Variants in NCAPD3 observed in about 807,000 individuals in gnomAD.
NCAPD3 encodes non-SMC condensin II complex subunit D3, also known as condensin-2 complex subunit D3.
A neutral mutation model predicts 182.9 loss-of-function variants in NCAPD3; 105 were observed. The ratio of observed to expected loss-of-function variants is 0.57; its 90% CI spans 0.49 to 0.68. The LOEUF is 0.68. NCAPD3 is among the 30% of genes least tolerant of loss of function. NCAPD3 has a pLI of 0.00. For synonymous variants in NCAPD3, 815 were observed against 679.9 expected, an observed-to-expected ratio of 1.20 and a Z score of -3.09; for missense variants, 1,944 against 1,837.0, an observed-to-expected ratio of 1.06 and a Z score of -1.07.
chr11:134,195,862 T>C (rs1944616661), intron 13 of NCAPD3, among the ~76,000 whole-genome samples: 1 of 152,184 alleles, frequency 6.6e-6, no homozygotes, highest in South Asian at 2.1e-4. Context: ...TGATAAGTCA[T>C]GGGACCACTG....
At position 134,159,952 on chromosome 11, in the gene NCAPD3, T is replaced by A. The variant is rs1943531319; in HGVS notation, c.3807A>T (p.Leu1269=). The stretch of plus-strand genomic sequence containing the variant: ...TCCCGGCCACATCTGCATGTTTTGC[T>A]AGCTCCTGCTCCTGGACCAGCTGTT... ...YQEQLVQEQE[L]AKHADVAGTA... Residue 1269 remains leucine, a synonymous_variant, in exon 29 of 35, where the codon CTA becomes CTT. Coordinates refer to ENST00000534548, the MANE Select transcript of NCAPD3 (RefSeq NM_015261.3). 6.2e-7 allele frequency: 1 copy of A among 1,613,954 alleles called. No homozygotes were observed. Among genetic ancestry groups the A allele is most frequent in the African/African-American group, 1.3e-5 (1 of 74,928 alleles).
intron 32 of NCAPD3, among the ~76,000 whole-genome samples, chr11:134,155,414 T>G (rs1943392441): frequency 6.6e-6 from 1 of 152,142 alleles, no homozygotes; most frequent in Non-Finnish European, 1.5e-5. Context: ...CATTTCTTCC[T>G]GGTTCAGTAT....
In NCAPD3 at chr11:134,203,123, A is replaced by C. The variant is rs1313688828; in HGVS notation, c.1525+19T>G. On this transcript the variant is annotated intron_variant, in intron 12 of 34. Transcript: ENST00000534548. ...TAAAAGATAATCATTCAATATTTGAAAATGTATTGATCCATTACCTGATGA... is the reference window on the plus strand; with the variant it reads ...TAAAAGATAATCATTCAATATTTGACAATGTATTGATCCATTACCTGATGA... The C allele has an allele frequency of 6.5e-7, 1 of 1,528,226 alleles. No homozygotes were observed. Among genetic ancestry groups the C allele is most frequent in the Non-Finnish European group, 9.0e-7 (1 of 1,108,728 alleles). 94.7% of individuals were successfully genotyped at this position (1,528,226 alleles called of 1,614,324 possible). A position where few individuals can be genotyped will look rare whatever the true frequency, so the allele number is the denominator to read the frequency against.
chr11:134,221,960 G>A (rs1312194662), intron 1 of NCAPD3, among the ~76,000 whole-genome samples: 2 of 152,174 alleles, frequency 1.3e-5, no homozygotes. Flanking sequence ...CAAATTTCCA[G>A]TAATGTTTTA....
chr11:134,221,475 T>C (rs1367054224), intron 1 of NCAPD3, among the ~76,000 whole-genome samples: 1 of 152,094 alleles, frequency 6.6e-6, no homozygotes, highest in Non-Finnish European at 1.5e-5. Context: ...GCTGTACCCA[T>C]CAACCCGTCA....
chr11:134,222,134 G>A (rs1314564207), intron 1 of NCAPD3, among the ~76,000 whole-genome samples: 1 of 152,180 alleles, frequency 6.6e-6, no homozygotes, highest in Non-Finnish European at 1.5e-5. Context: ...TGTTGAGTGA[G>A]AGTATAGGAG....
At chr11:134,224,947 C>A (rs1938408437), upstream of NCAPD3, 2 of 345,652 alleles carry the variant, frequency 5.8e-6, no homozygotes, top group African/African-American at 2.2e-5. Flanking sequence ...GCCCCTCCCC[C>A]GTGGAGCCGG....
chr11:134,223,848 G>C lies in NCAPD3; in HGVS notation c.64+15C>G. The C allele has an allele frequency of 1.2e-6, 2 of 1,611,360 alleles. No homozygotes were observed. Among genetic ancestry groups the C allele is most frequent in the South Asian group, 2.2e-5 (2 of 90,760 alleles). On this transcript the variant is annotated intron_variant, in intron 1 of 34. Transcript: ENST00000534548. ...CTCGCCCTGGCCCCCGGGCCTCCCG[G>C]CTGCATCTGCTCACCGAGTCTAAGA...
At position 134,217,058 on chromosome 11, in the gene NCAPD3, C is replaced by T; in HGVS notation, c.260G>A (p.Ser87Asn). The change falls in exon 3 of 35, where the codon AGT becomes AAT. Residue 87 changes from serine (S) to asparagine (N), a missense_variant. Transcript: ENST00000534548. ...ATGATAGAACAATGCCACCAGTGTA[C>T]TATGGGAAACATTGTTCTCAATGAA... ...TFFIENNVSH[S>N]TLVALFYHFV... 6.2e-7 allele frequency: 1 copy of T among 1,613,548 alleles called. No individual in the cohort carries two copies. The highest frequency in any genetic ancestry group is 8.5e-7 in the Non-Finnish European group (1 of 1,179,776).
intron 27 of NCAPD3, among the ~76,000 whole-genome samples, chr11:134,164,035 G>A (rs528790428): frequency 3.3e-5 from 5 of 152,290 alleles, no homozygotes; most frequent in African/African-American, 7.2e-5. Context: ...AGATTGGTAA[G>A]AGAAAACAGG....
intron 20 of NCAPD3, 137 bp from the exon 21 acceptor site, chr11:134,179,073 A>G: frequency 3.2e-6 from 2 of 621,526 alleles, no homozygotes; most frequent in Non-Finnish European, 2.8e-6. Flanking sequence ...TTTCATAAAA[A>G]TACATGGCTA....
chr11:134,163,022 G>T (rs939061118), intron 27 of NCAPD3, among the ~76,000 whole-genome samples: 2 of 152,176 alleles, frequency 1.3e-5, no homozygotes, highest in African/African-American at 4.8e-5. Context: ...AAGAGCACAC[G>T]AGTAGGGGGC....
chr11:134,159,672 G>A (rs1037563807), intron 29 of NCAPD3, among the ~76,000 whole-genome samples: 2 of 152,202 alleles, frequency 1.3e-5, no homozygotes, highest in Non-Finnish European at 1.5e-5. Context: ...CTGCCAGCTC[G>A]CTTCCTGCAC....
chr11:134,222,017 GT>G (rs1321739549), intron 1 of NCAPD3, among the ~76,000 whole-genome samples: 2 of 152,120 alleles, frequency 1.3e-5, no homozygotes, highest in Non-Finnish European at 2.9e-5. Context: ...CCTTCTTTTG[GT>G]TTTGCTTATG....
chr11:134,152,719 T>C lies in NCAPD3; in HGVS notation c.*225A>G, dbSNP rs1943287195. 2.2e-6 allele frequency: 1 copy of C among 449,982 alleles called. No homozygotes were observed. The highest frequency in any genetic ancestry group is 3.8e-5 in the Admixed American group (1 of 26,002). The allele number at this position is 449,982 out of a possible 1,614,324, so 27.9% of individuals were successfully genotyped here. ...AGTTACAATATTAAACAGATTAGGGTAAGAAAATCTAAATCTGGCACATCT... is the reference window on the plus strand; with the variant it reads ...AGTTACAATATTAAACAGATTAGGGCAAGAAAATCTAAATCTGGCACATCT... On this transcript the variant is annotated 3_prime_UTR_variant, in exon 35 of 35. Coordinates refer to ENST00000534548, the MANE Select transcript of NCAPD3 (RefSeq NM_015261.3).
At chr11:134,202,723 A>G in intron 13 of NCAPD3, 93 bp downstream of exon 13, 1 of 929,760 alleles carries the variant, frequency 1.1e-6, no homozygotes, top group Non-Finnish European at 1.6e-6. Flanking sequence ...ATAAATCAGA[A>G]AAAAAAAAAA....
At chr11:134,182,550 G>A (rs2135982581) in intron 19 of NCAPD3, among the ~76,000 whole-genome samples, 1 of 152,166 alleles carries the variant, frequency 6.6e-6, no homozygotes, top group African/African-American at 2.4e-5. Context: ...TTATTTAACT[G>A]CTCTCCTCTA....
chr11:134,205,006 T>A, intron 8 of NCAPD3, 35 bp from the exon 9 acceptor site: 1 of 1,542,050 alleles, frequency 6.5e-7, no homozygotes, highest in South Asian at 1.1e-5. Context: ...CTGTTCACAA[T>A]ACAGTCAGCG....
At chr11:134,187,026 C>A (rs964966068) in intron 16 of NCAPD3, among the ~76,000 whole-genome samples, 31 of 152,154 alleles carry the variant, frequency 2.0e-4, no homozygotes, top group Admixed American at 5.9e-4. Flanking sequence ...GGAAAAAATC[C>A]TCTGAACTTG....
Sources: gnomAD v4.1 joint callset for allele counts (sites outside exome capture counted in the v4.1 genomes callset) on GRCh38, gnomAD v4.1.1 for gene constraint, MANE v1.5 for transcripts, NCBI Gene and HGNC (gene_info 2026-07-23, HGNC 2026-07-21) for gene names.